The following VPS8 variants were observed in gnomAD, a reference collection of about 807,000 sequenced individuals.
VPS8 encodes the protein VPS8 subunit of CORVET complex.
In VPS8, 129 loss-of-function variants were observed where a neutral mutation model predicts 216.4. The observed-to-expected ratio is 0.60, with a 90% CI of 0.52 to 0.69. The LOEUF is 0.69. Among genes scored for constraint, VPS8 ranks in the 30% least tolerant of loss-of-function variants. The pLI is 0.00. For synonymous variants in VPS8, 571 were observed against 565.4 expected, an observed-to-expected ratio of 1.01 and a Z score of -0.14; for missense variants, 1,531 against 1,683.5, an observed-to-expected ratio of 0.91 and a Z score of 1.59.
intron 45 of VPS8, among the ~76,000 whole-genome samples, chr3:185,017,124 C>T (rs771882368): frequency 2.6e-5 from 4 of 152,020 alleles, no homozygotes; most frequent in Non-Finnish European, 4.4e-5. Flanking sequence ...TAAATCTCTT[C>T]CCTATAAACT....
Position 184,839,728 on chromosome 3 carries a change from T to G in VPS8, c.511T>G (p.Ser171Ala), listed in dbSNP as rs775072033. ...AVSSLIAVGT[S>A]HGLALIFGKD... ...ATCCAGTCTGATAGCAGTGGGTACA[T>G]CTCATGGATTGGCTTTAATATTTGG... is the stretch of plus-strand genomic sequence containing the variant. Residue 171 changes from serine (S) to alanine (A), a missense_variant, in exon 7 of 48, where the codon TCT becomes GCT. Transcript: ENST00000625842. 3.7e-6 allele frequency: 6 copies of G among 1,606,254 alleles called. No homozygotes were observed. Among genetic ancestry groups the G allele is most frequent in the Middle Eastern group, 1.7e-4 (1 of 6,050 alleles).
At chr3:185,040,269 C>T (rs1346044738) in intron 46 of VPS8, among the ~76,000 whole-genome samples, 7 of 152,082 alleles carry the variant, frequency 4.6e-5, no homozygotes, top group Non-Finnish European at 8.8e-5. Context: ...TAGAAGAAGC[C>T]TCTCTCCTCA....
intron 37 of VPS8, among the ~76,000 whole-genome samples, chr3:184,960,505 C>A (rs1432769204): frequency 6.6e-6 from 1 of 152,096 alleles, no homozygotes; most frequent in Non-Finnish European, 1.5e-5. Context: ...CAAGACATAA[C>A]CAGATTTCTA....
chr3:185,024,467 A>C, intron 46 of VPS8, 78 bp downstream of exon 46: 2 of 1,409,984 alleles, frequency 1.4e-6, no homozygotes, highest in Non-Finnish European at 2.0e-6. Flanking sequence ...TATTCTCAAC[A>C]TGGCAATGAT....
chr3:184,988,476 A>G (rs1054855999), intron 42 of VPS8, among the ~76,000 whole-genome samples: 3 of 152,128 alleles, frequency 2.0e-5, no homozygotes, highest in Admixed American at 6.5e-5. Context: ...CCATATTCAT[A>G]TGGGTCTATT....
intron 11 of VPS8, among the ~76,000 whole-genome samples, chr3:184,853,547 G>A (rs1397749867): frequency 6.6e-6 from 1 of 152,200 alleles, no homozygotes; most frequent in Non-Finnish European, 1.5e-5. Context: ...TGTGGCTGGA[G>A]TGTGACTTTG....
intron 4 of VPS8, among the ~76,000 whole-genome samples, chr3:184,833,857 C>T (rs1027605754): frequency 6.6e-6 from 1 of 152,184 alleles, no homozygotes; most frequent in Non-Finnish European, 1.5e-5. Flanking sequence ...TTAAACTGTT[C>T]TTCATTTGCA....
At chr3:184,835,449 T>C (rs951725045) in intron 5 of VPS8, among the ~76,000 whole-genome samples, 1 of 152,192 alleles carries the variant, frequency 6.6e-6, no homozygotes, top group Non-Finnish European at 1.5e-5. Flanking sequence ...AGCACTGGGT[T>C]AATGTAAACG....
chr3:185,035,730 T>C (rs1273103409), intron 46 of VPS8, among the ~76,000 whole-genome samples: 1 of 152,160 alleles, frequency 6.6e-6, no homozygotes, highest in African/African-American at 2.4e-5. Flanking sequence ...ACCACTCCTA[T>C]TCAACACTGT....
intron 45 of VPS8, among the ~76,000 whole-genome samples, chr3:185,005,887 A>G (rs938185061): frequency 2.0e-5 from 3 of 151,918 alleles, no homozygotes; most frequent in African/African-American, 7.3e-5. Context: ...GGTGTCCTTT[A>G]TTTCTTTCTC....
intron 36 of VPS8, among the ~76,000 whole-genome samples, chr3:184,946,034 T>A (rs1017855122): frequency 6.6e-6 from 1 of 152,146 alleles, no homozygotes; most frequent in African/African-American, 2.4e-5. Flanking sequence ...TCTGAAAACA[T>A]CTCCAAAGAC....
intron 45 of VPS8, among the ~76,000 whole-genome samples, chr3:185,017,412 T>C (rs561875354): frequency 1.3e-5 from 2 of 152,280 alleles, no homozygotes; most frequent in East Asian, 3.9e-4. Flanking sequence ...ATAAGCTGCT[T>C]TGTCTTGTTT....
chr3:184,815,326 G>A (rs899363419), intron 1 of VPS8, among the ~76,000 whole-genome samples: 13 of 152,098 alleles, frequency 8.5e-5, no homozygotes, highest in African/African-American at 4.8e-5. Flanking sequence ...CTGGCAGTGC[G>A]GTAGGTCTGT....
rs1273981858 is a variant in VPS8, at chr3:184,914,914, T to G, written c.2190-67T>G. On this transcript the variant is annotated intron_variant, in intron 26 of 47. Transcript: ENST00000625842. ...CTAGTATCTCAAGTTTGAGAAACAA[T>G]GTGTTACTCGCTTGAAAGTTATCCC... is the stretch of plus-strand genomic sequence containing the variant. The G allele has an allele frequency of 8.3e-6, 12 of 1,444,180 alleles. No homozygotes were observed. In the Admixed American group the frequency reaches 1.9e-4, roughly 22 times the overall value. 89.5% of individuals were successfully genotyped at this position (1,444,180 alleles called of 1,614,324 possible).
chr3:184,931,485 T>C (rs552720956), intron 34 of VPS8, among the ~76,000 whole-genome samples: 2 of 152,320 alleles, frequency 1.3e-5, no homozygotes, highest in East Asian at 3.9e-4. Context: ...GAACATTTTT[T>C]ATAGATATGA....
At position 184,894,898 on chromosome 3, in the gene VPS8, G is replaced by A. The variant is rs1302121083; in HGVS notation, c.1977G>A (p.Met659Ile). ...MENVEALIVH[M>I]DITSLDIQQV... ...ATGTGGAAGCGCTCATTGTACATATGGATATCACCAGCCTAGATATTCAGC... is the reference window on the plus strand; with the variant it reads ...ATGTGGAAGCGCTCATTGTACATATAGATATCACCAGCCTAGATATTCAGC... Residue 659 changes from methionine (M) to isoleucine (I), a missense_variant, in exon 23 of 48, where the codon ATG becomes ATA. This residue lies in a region of VPS8 where 1,318 missense variants were observed against 1,468.4 expected (regional missense o/e 0.90). Coordinates refer to ENST00000625842, the MANE Select transcript of VPS8 (RefSeq NM_001009921.3). The A allele has an allele frequency of 6.2e-7, 1 of 1,607,086 alleles. No individual in the cohort carries two copies. Among genetic ancestry groups the A allele is most frequent in the Non-Finnish European group, 8.5e-7 (1 of 1,177,224 alleles).
Position 184,854,842 on chromosome 3 carries a change from CT to C in VPS8, c.1035+677del, listed in dbSNP as rs142839484. Among the ~76,000 whole-genome samples the C allele has an allele frequency of 9.5e-3, 1,447 of 152,098 alleles. 42 individuals are homozygous for C. Among genetic ancestry groups the C allele is most frequent in the East Asian group, 0.084 (432 of 5,168 alleles). On this transcript the variant is annotated intron_variant, in intron 13 of 47. Transcript: ENST00000625842. Reference sequence around the variant, plus strand: ...TGTGTTATTTATATCCCAGTTTTCCCTTTTTTTTCTTCTTGATTGTTTTCAG... The same window carrying C: ...TGTGTTATTTATATCCCAGTTTTCCCTTTTTTTCTTCTTGATTGTTTTCAG...
At chr3:185,030,957 GT>G (rs1320014507) in intron 46 of VPS8, among the ~76,000 whole-genome samples, 1 of 147,052 alleles carries the variant, frequency 6.8e-6, no homozygotes, top group East Asian at 2.0e-4. Context: ...TGTTCCAGGT[GT>G]TCTTATGAAG....
intron 45 of VPS8, among the ~76,000 whole-genome samples, chr3:185,007,780 A>G (rs1754465349): frequency 6.6e-6 from 1 of 152,132 alleles, no homozygotes; most frequent in Non-Finnish European, 1.5e-5. Context: ...TTTTGGGGTA[A>G]ATGTACAAAT....
Sources: allele counts gnomAD v4.1 joint callset (sites outside exome capture counted in the v4.1 genomes callset), GRCh38; gene constraint gnomAD v4.1.1; regional missense constraint gnomAD v4.1.1; transcripts MANE v1.5; gene names NCBI Gene and HGNC (gene_info 2026-07-23, HGNC 2026-07-21).